Variants in CD109 observed in about 807,000 individuals in gnomAD.
CD109 encodes the protein CD109 antigen.
In CD109, 149 loss-of-function variants were observed where a neutral mutation model predicts 165.8. The ratio of observed to expected loss-of-function variants is 0.90; its 90% confidence interval spans 0.79 to 1.03. The LOEUF (loss-of-function observed/expected upper bound fraction) is 1.03. Ranked by LOEUF, CD109 falls within the 50% of genes least tolerant of loss-of-function variation. CD109 has a pLI of 0.00. For missense variants in CD109, 1,712 were observed against 1,677.8 expected (o/e 1.02, Z -0.36); for synonymous variants, 585 against 592.1 (o/e 0.99, Z 0.18).
intron 4 of CD109, among the ~76,000 whole-genome samples, chr6:73,732,877 C>CT (rs1352086313): frequency 1.3e-5 from 2 of 152,184 alleles, no homozygotes; most frequent in African/African-American, 4.8e-5. Flanking sequence ...CTCAGAGAGA[C>CT]TTTCCTCTTA....
chr6:73,776,503 T>G (rs1031754610), intron 15 of CD109, among the ~76,000 whole-genome samples: 1 of 151,328 alleles, frequency 6.6e-6, no homozygotes, highest in Non-Finnish European at 1.5e-5. Flanking sequence ...CCATCTCCCT[T>G]GGCCTCCTAA....
At chr6:73,799,390 A>G (rs900095196) in intron 23 of CD109, among the ~76,000 whole-genome samples, 4 of 152,132 alleles carry the variant, frequency 2.6e-5, no homozygotes, top group Non-Finnish European at 5.9e-5. Context: ...ATTGGTAACT[A>G]TATCAGGCGG....
At chr6:73,791,232 G>A (rs1258927147) in intron 22 of CD109, among the ~76,000 whole-genome samples, 1 of 113,374 alleles carries the variant, frequency 8.8e-6, no homozygotes, top group Admixed American at 9.6e-5. Flanking sequence ...ATTTTTTTTT[G>A]GAAGAGGCAG....
At chr6:73,783,987 T>G (rs1329262101) in intron 19 of CD109, among the ~76,000 whole-genome samples, 163 bp downstream of exon 19, 2 of 152,250 alleles carry the variant, frequency 1.3e-5, no homozygotes, top group Non-Finnish European at 2.9e-5. Flanking sequence ...TTTAAGAATG[T>G]GAGCTATATA....
At chr6:73,796,937 G>A (rs1296156585) in intron 23 of CD109, among the ~76,000 whole-genome samples, 1 of 152,280 alleles carries the variant, frequency 6.6e-6, no homozygotes, top group African/African-American at 2.4e-5. Context: ...AGTAGTGGAC[G>A]AAAGCTTCTT....
Position 73,803,266 on chromosome 6 carries a change from T to G in CD109, c.2925T>G (p.Ser975Arg), listed in dbSNP as rs775602458. Reference sequence around the variant, plus strand: ...ATCAGAGGGAAGATGGCTCTTTCAGTGCTTTTGGGAATTATGACCCTTCTG... The same window carrying G: ...ATCAGAGGGAAGATGGCTCTTTCAGGGCTTTTGGGAATTATGACCCTTCTG... The part of the protein sequence containing the change: ...LLYQREDGSF[S>R]AFGNYDPSGS... The change falls in exon 24 of 33, where the codon AGT becomes AGG. Residue 975 changes from serine (S) to arginine (R), a missense_variant. Coordinates refer to ENST00000287097, the MANE Select transcript of CD109 (RefSeq NM_133493.5). 6.2e-7 allele frequency: 1 copy of G among 1,611,208 alleles called. No individual in the cohort carries two copies. Among genetic ancestry groups the G allele is most frequent in the Non-Finnish European group, 8.5e-7 (1 of 1,179,290 alleles).
intron 10 of CD109, among the ~76,000 whole-genome samples, chr6:73,764,816 C>CA (rs1363569119): frequency 0.075 from 4,577 of 60,782 alleles, 204 homozygotes; most frequent in African/African-American, 0.2. Context: ...AACTCCATTT[C>CA]AAAAAAAAAA....
At chr6:73,816,989 G>C (rs1476350510) in intron 30 of CD109, among the ~76,000 whole-genome samples, 1 of 152,122 alleles carries the variant, frequency 6.6e-6, no homozygotes, top group Non-Finnish European at 1.5e-5. Flanking sequence ...GCCTGAAGAA[G>C]GGAAATGTTT....
the CD109 span, among the ~76,000 whole-genome samples, chr6:73,679,401 T>C: frequency 1.3e-5 from 2 of 152,064 alleles, no homozygotes; most frequent in Non-Finnish European, 2.9e-5. Flanking sequence ...AAAAAAGTTA[T>C]ATTCCAAAAG....
intron 5 of CD109, among the ~76,000 whole-genome samples, chr6:73,751,023 G>A (rs184528565): frequency 5.9e-5 from 9 of 152,208 alleles, no homozygotes; most frequent in East Asian, 5.8e-4. Context: ...TCTCCAGCTC[G>A]GGTCTTCTTT....
chr6:73,789,327 G>A (rs2150262193), intron 22 of CD109, among the ~76,000 whole-genome samples: 1 of 152,142 alleles, frequency 6.6e-6, no homozygotes, highest in African/African-American at 2.4e-5. Context: ...TAAATTTATG[G>A]GATACAAAGT....
rs1258723487 is a variant in CD109 at position 73,700,436 on chromosome 6, A to T, written c.247+2864A>T. On this transcript the variant is annotated intron_variant, in intron 2 of 32. Coordinates refer to ENST00000287097, the MANE Select transcript of CD109 (RefSeq NM_133493.5). ...CAACAGAAGGTTGGTTTTAATAAAGATTTATCTTCTAGTAAAGTTGGGTAA... is the reference window on the plus strand; with the variant it reads ...CAACAGAAGGTTGGTTTTAATAAAGTTTTATCTTCTAGTAAAGTTGGGTAA... Among the ~76,000 whole-genome samples, 4 of 151,934 alleles carry T rather than the reference A, an allele frequency of 2.6e-5. No individual in the cohort carries two copies. In the East Asian group the frequency reaches 7.7e-4, roughly 29 times the overall value.
At chr6:73,761,072 A>ACAC (rs1562051579) in intron 7 of CD109, among the ~76,000 whole-genome samples, 1 of 121,976 alleles carries the variant, frequency 8.2e-6, no homozygotes, top group African/African-American at 3.3e-5. Flanking sequence ...CACACACACA[A>ACAC]ACCCAGAAAC....
At chr6:73,775,908 C>T (rs941758898) in intron 15 of CD109, among the ~76,000 whole-genome samples, 8 of 152,170 alleles carry the variant, frequency 5.3e-5, no homozygotes, top group African/African-American at 1.7e-4. Flanking sequence ...TTTCTTTATC[C>T]AGTCTATCAT....
chr6:73,808,082 G>A lies in CD109; in HGVS notation c.3190-1G>A. On this transcript the variant is annotated splice_acceptor_variant, in intron 25 of 32. Transcript: ENST00000287097. LOFTEE classifies it high-confidence loss of function. ...AAAAAACATACTTTTTTTCTTCCAA[G>A]CCTAACATTGATGTGCAAGAGTCTA... 2 of 1,610,538 alleles carry A rather than the reference G, an allele frequency of 1.2e-6. No homozygotes were observed. Among genetic ancestry groups the A allele is most frequent in the Non-Finnish European group, 1.7e-6 (2 of 1,178,758 alleles).
At chr6:73,713,923 C>G (rs536716187) in intron 2 of CD109, among the ~76,000 whole-genome samples, 21 of 152,108 alleles carry the variant, frequency 1.4e-4, no homozygotes, top group Non-Finnish European at 2.6e-4. Flanking sequence ...CACCCCTCCC[C>G]CGTCGTTCTT....
chr6:73,762,604 A>C (rs1773677623), intron 8 of CD109, 124 bp downstream of exon 8: 1 of 958,414 alleles, frequency 1.0e-6, no homozygotes, highest in South Asian at 1.7e-5. Context: ...TCCAGCATTG[A>C]ACAAATGAGA....
chr6:73,796,083 A>G (rs1775153514), intron 23 of CD109, among the ~76,000 whole-genome samples: 1 of 152,106 alleles, frequency 6.6e-6, no homozygotes, highest in Non-Finnish European at 1.5e-5. Context: ...TCTCCATCCC[A>G]CTGCTAATTG....
intron 22 of CD109, among the ~76,000 whole-genome samples, chr6:73,789,108 T>C (rs951523420): frequency 3.6e-4 from 55 of 152,300 alleles, no homozygotes; most frequent in African/African-American, 1.3e-3. Flanking sequence ...TCAGAATCAC[T>C]TGGGCTATGG....
Sources: allele counts gnomAD v4.1 joint callset (sites outside exome capture counted in the v4.1 genomes callset), GRCh38; gene constraint gnomAD v4.1.1; transcripts MANE v1.5; gene names NCBI Gene and HGNC (gene_info 2026-07-23, HGNC 2026-07-21).